The following JMJD1C variants were observed in gnomAD, a reference collection of about 807,000 sequenced individuals.
JMJD1C encodes jumonji domain-containing protein 1C.
A neutral mutation model predicts 245.3 loss-of-function variants in JMJD1C; 31 were observed. The observed-to-expected ratio is 0.13, with a 90% CI of 0.09 to 0.17. The LOEUF (loss-of-function observed/expected upper bound fraction) is 0.17. JMJD1C is among the 10% of genes least tolerant of loss of function. The pLI, the probability that JMJD1C is intolerant of heterozygous loss-of-function variation, is 1.00. For missense variants in JMJD1C, 2,691 were observed against 3,000.2 expected, an observed-to-expected ratio of 0.90 and a Z score of 2.41; for synonymous variants, 1,057 against 1,017.4, an observed-to-expected ratio of 1.04 and a Z score of -0.74.
At chr10:63,176,574 C>T in intron 23 of JMJD1C, 101 bp from the exon 24 acceptor site, 1 of 877,866 alleles carries the variant, frequency 1.1e-6, no homozygotes, top group East Asian at 2.6e-5. Flanking sequence ...ATCTTTTCTT[C>T]TCAGAATCAA....
intron 1 of JMJD1C, among the ~76,000 whole-genome samples, chr10:63,415,132 A>C (rs1267519944): frequency 6.6e-6 from 1 of 152,210 alleles, no homozygotes; most frequent in Non-Finnish European, 1.5e-5. Flanking sequence ...TTGTGTAAAC[A>C]TATAGTTACT....
At chr10:63,295,312 A>ATTC (rs1859247208) in intron 2 of JMJD1C, among the ~76,000 whole-genome samples, 1 of 150,682 alleles carries the variant, frequency 6.6e-6, no homozygotes, top group Non-Finnish European at 1.5e-5. Context: ...TTGGTTCTGA[A>ATTC]CTCCTGGCCT....
At chr10:63,494,725 T>C (rs1954299172) in intron 1 of JMJD1C, among the ~76,000 whole-genome samples, 1 of 152,240 alleles carries the variant, frequency 6.6e-6, no homozygotes, top group Non-Finnish European at 1.5e-5. Context: ...AGTATTGTTA[T>C]TGTATTATTA....
intron 1 of JMJD1C, among the ~76,000 whole-genome samples, chr10:63,414,165 T>C (rs1264000238): frequency 6.6e-6 from 1 of 151,902 alleles, no homozygotes; most frequent in Non-Finnish European, 1.5e-5. Flanking sequence ...TTTTTGTATT[T>C]TTAGTACAGA....
At chr10:63,321,386 A>G (rs547149108) in intron 2 of JMJD1C, among the ~76,000 whole-genome samples, 2 of 152,290 alleles carry the variant, frequency 1.3e-5, no homozygotes, top group South Asian at 4.1e-4. Context: ...CTGAAGTGGG[A>G]GGCAGTCTTG....
chr10:63,445,671 C>A (rs1951670562), intron 1 of JMJD1C, among the ~76,000 whole-genome samples: 1 of 151,974 alleles, frequency 6.6e-6, no homozygotes, highest in African/African-American at 2.4e-5. Flanking sequence ...TGACTGTTTG[C>A]TATAGGCACT....
In JMJD1C at chr10:63,249,713, A is replaced by G. The variant is rs192895691; in HGVS notation, c.447+14938T>C. 2.0e-5 allele frequency among the ~76,000 whole-genome samples: 3 copies of G among 152,174 alleles called. No individual in the cohort carries two copies. The East Asian group carries it at 5.8e-4, about 30-fold the overall frequency. On this transcript the variant is annotated intron_variant, in intron 3 of 25. Transcript: ENST00000399262. ...GTCTCTACTAAAAAATACAAAAATTAGCCAGGCGTGGTGGCGTGCGCCTGT... is the reference window on the plus strand; with the variant it reads ...GTCTCTACTAAAAAATACAAAAATTGGCCAGGCGTGGTGGCGTGCGCCTGT...
intron 2 of JMJD1C, among the ~76,000 whole-genome samples, chr10:63,330,614 TCTC>T (rs1407350129): frequency 3.3e-5 from 5 of 152,140 alleles, no homozygotes; most frequent in Non-Finnish European, 7.4e-5. Context: ...AAGTTCCTAC[TCTC>T]CTATTATCAT....
At chr10:63,268,153 T>C (rs186883178) in intron 2 of JMJD1C, among the ~76,000 whole-genome samples, 1 of 145,574 alleles carries the variant, frequency 6.9e-6, no homozygotes, top group African/African-American at 2.5e-5. Context: ...GCAAAAATAC[T>C]AATATAAATC....
chr10:63,463,233 T>C (rs1318528952), intron 1 of JMJD1C, among the ~76,000 whole-genome samples: 2 of 152,156 alleles, frequency 1.3e-5, no homozygotes, highest in African/African-American at 4.8e-5. Context: ...GGCATAATCT[T>C]GGCTCACTGC....
chr10:63,363,780 G>A (rs781373727), intron 2 of JMJD1C, among the ~76,000 whole-genome samples: 145 of 151,682 alleles, frequency 9.6e-4, no homozygotes, highest in Non-Finnish European at 1.6e-3. Flanking sequence ...CCAGACTCAA[G>A]TGATCCTCCC....
chr10:63,219,790 T>C, intron 4 of JMJD1C, 88 bp downstream of exon 4: 1 of 810,302 alleles, frequency 1.2e-6, no homozygotes, highest in Non-Finnish European at 2.1e-6. Context: ...GCCTTCTATT[T>C]ATATTGCACA....
At chr10:63,450,579 TA>T (rs1403516783) in intron 1 of JMJD1C, among the ~76,000 whole-genome samples, 2 of 152,178 alleles carry the variant, frequency 1.3e-5, no homozygotes, top group African/African-American at 4.8e-5. Flanking sequence ...AAAAAAATTT[TA>T]TGATCATCTC....
intron 1 of JMJD1C, among the ~76,000 whole-genome samples, chr10:63,448,106 C>A (rs941266283): frequency 1.3e-5 from 2 of 152,066 alleles, no homozygotes; most frequent in African/African-American, 2.4e-5. Context: ...ATCCTTTGTG[C>A]ATTACTGAAT....
intron 2 of JMJD1C, among the ~76,000 whole-genome samples, chr10:63,313,291 T>C (rs1465097714): frequency 6.6e-6 from 1 of 151,878 alleles, no homozygotes; most frequent in Non-Finnish European, 1.5e-5. Flanking sequence ...TTCCTTTTTA[T>C]GGCTGAGTAG....
chr10:63,353,927 G>A (rs904631699), intron 2 of JMJD1C, among the ~76,000 whole-genome samples: 2 of 151,614 alleles, frequency 1.3e-5, no homozygotes, highest in Admixed American at 6.6e-5. Context: ...TGCAACCTCC[G>A]CCTCCCAGGT....
rs144821993 is a variant in JMJD1C, at chr10:63,518,447, A to G, written n.113+3291T>C. On this transcript the variant is annotated intron_variant and non_coding_transcript_variant, in intron 1 of 3. Transcript: ENST00000633035. ...ATAACATATATTTCGACGTGGGGCA[A>G]AACTACACTAGAAGACTTAAAGAAG... Among the ~76,000 whole-genome samples the G allele has an allele frequency of 1.2e-4, 19 of 152,358 alleles. No individual in the cohort carries two copies. The East Asian group carries it at 3.5e-3, about 28-fold the overall frequency.
intron 3 of JMJD1C, among the ~76,000 whole-genome samples, chr10:63,221,850 T>C (rs529685860): frequency 6.6e-6 from 1 of 152,260 alleles, no homozygotes; most frequent in Admixed American, 6.5e-5. Flanking sequence ...GCCTCCTGAG[T>C]AGCTGGGGTT....
At chr10:63,174,120 A>T (rs1451535739) in intron 24 of JMJD1C, among the ~76,000 whole-genome samples, 2 of 152,210 alleles carry the variant, frequency 1.3e-5, no homozygotes, top group African/African-American at 4.8e-5. Context: ...CAATTTAGAG[A>T]ATAGTCTGGC....
Sources: allele counts gnomAD v4.1 joint callset (sites outside exome capture counted in the v4.1 genomes callset), GRCh38; gene constraint gnomAD v4.1.1; transcripts MANE v1.5; gene names NCBI Gene and HGNC (gene_info 2026-07-23, HGNC 2026-07-21).